The following GAB2 variants were observed in gnomAD, a reference collection of about 807,000 sequenced individuals.
The protein encoded by GAB2 is GRB2 associated binding protein 2, also known as GRB2-associated-binding protein 2.
GAB2 carries 26 observed loss-of-function variants against 65.5 expected under a neutral mutation model. That is an observed-to-expected ratio of 0.40 (90% CI 0.29 to 0.55). The LOEUF (loss-of-function observed/expected upper bound fraction) is 0.55, where lower values mean the gene tolerates loss of function less well. GAB2 is among the 20% of genes least tolerant of loss of function. The pLI, the probability that GAB2 is intolerant of heterozygous loss-of-function variation, is 0.53. For missense variants in GAB2, 884 were observed against 875.8 expected (o/e 1.01, Z -0.12); for synonymous variants, 321 against 329.6 (o/e 0.97, Z 0.28).
chr11:78,226,971 T>C lies in GAB2; in HGVS notation c.701A>G (p.Asn234Ser), dbSNP rs755129738. The change falls in exon 4 of 10, where the codon AAT becomes AGT. Residue 234 changes from asparagine (N) to serine (S), a missense_variant. Asn to Ser is a conservative substitution (Grantham distance 46). Transcript: ENST00000361507. ...DTAVQKLAQG[N>S]GHCVNGISGQ... The stretch of plus-strand genomic sequence containing the variant: ...ACTGATCCCGTTGACACAGTGTCCA[T>C]TGCCCTGGGCAAGTTTTTGTACAGC... 23 of 1,613,686 alleles carry C rather than the reference T, an allele frequency of 1.4e-5. No homozygotes were observed. The highest frequency in any genetic ancestry group is 8.8e-5 in the South Asian group (8 of 91,078).
At chr11:78,225,023 T>C in intron 5 of GAB2, 85 bp downstream of exon 5, 2 of 813,170 alleles carry the variant, frequency 2.5e-6, no homozygotes, top group Non-Finnish European at 4.2e-6. Flanking sequence ...CATCAATCTT[T>C]TGGGGTTGTG....
At position 78,250,229 on chromosome 11, in the gene GAB2, G is replaced by T. The variant is rs773687321; in HGVS notation, c.548C>A (p.Thr183Asn). 3.1e-6 allele frequency: 5 copies of T among 1,613,500 alleles called. No individual in the cohort carries two copies. In the East Asian group the frequency reaches 8.9e-5, roughly 29 times the overall value. The change falls in exon 3 of 10, where the codon ACC becomes AAC. Residue 183 changes from threonine (T) to asparagine (N), a missense_variant. Thr to Asn is a moderately conservative substitution (Grantham distance 65). Coordinates refer to ENST00000361507, the MANE Select transcript of GAB2 (RefSeq NM_080491.3). ...CTCCTGAGGTGCGCTGGTGGACAAGGTGGGCTGCATGTGGTTTGACACAGG... is the reference window on the plus strand; with the variant it reads ...CTCCTGAGGTGCGCTGGTGGACAAGTTGGGCTGCATGTGGTTTGACACAGG... ...EPPVSNHMQP[T>N]LSTSAPQEYL... is the part of the protein sequence containing the mutation.
Position 78,301,391 on chromosome 11 carries a change from G to A in GAB2, c.76-20490C>T, listed in dbSNP as rs145005615. Among the ~76,000 whole-genome samples, 598 of 149,416 alleles carry A rather than the reference G, an allele frequency of 4.0e-3. 8 individuals are homozygous for A. The highest frequency in any genetic ancestry group is 0.021 in the Middle Eastern group (6 of 290). On this transcript the variant is annotated intron_variant, in intron 1 of 9. Coordinates refer to ENST00000361507, the MANE Select transcript of GAB2 (RefSeq NM_080491.3). ...GTCACCCAGGCTGGAGTGCAATGGC[G>A]TGATCTGGGCTCACTGCAACCTCTG...
intron 1 of GAB2, among the ~76,000 whole-genome samples, chr11:78,299,918 CTTT>C (rs931867857): frequency 2.0e-5 from 3 of 151,410 alleles, no homozygotes; most frequent in Non-Finnish European, 2.9e-5. Flanking sequence ...TGGGCTGATC[CTTT>C]TTTTTTCTTT....
At chr11:78,344,840 G>GT (rs146940467) in intron 1 of GAB2, among the ~76,000 whole-genome samples, 2,463 of 151,848 alleles carry the variant, frequency 0.016, 59 homozygotes, top group African/African-American at 0.054. Flanking sequence ...ACAATATCCT[G>GT]TTTTTTTTGA....
intron 2 of GAB2, among the ~76,000 whole-genome samples, chr11:78,257,568 G>A (rs1286664764): frequency 6.6e-6 from 1 of 152,184 alleles, no homozygotes; most frequent in Non-Finnish European, 1.5e-5. Context: ...CCTATTCCTG[G>A]AGTACACATG....
At chr11:78,338,260 CAG>C (rs1856035629) in intron 1 of GAB2, among the ~76,000 whole-genome samples, 1 of 152,252 alleles carries the variant, frequency 6.6e-6, no homozygotes, top group African/African-American at 2.4e-5. Context: ...TCTAGGCAAA[CAG>C]AATGTTTACT....
At position 78,303,573 on chromosome 11, in the gene GAB2, A is replaced by G. The variant is rs919834436; in HGVS notation, c.76-22672T>C. Among the ~76,000 whole-genome samples, 6 of 152,300 alleles carry G rather than the reference A, an allele frequency of 3.9e-5. No individual in the cohort carries two copies. In the East Asian group the frequency reaches 5.8e-4, roughly 15 times the overall value. Reference sequence around the variant, plus strand: ...CTGTCTCAATTACTGCAGTTTTATAATAAGTCTTGAAATCAGGTAGTGTAA... The same window carrying G: ...CTGTCTCAATTACTGCAGTTTTATAGTAAGTCTTGAAATCAGGTAGTGTAA... On this transcript the variant is annotated intron_variant, in intron 1 of 9. Transcript: ENST00000361507.
chr11:78,260,134 GAA>G (rs781478538), intron 2 of GAB2, among the ~76,000 whole-genome samples: 16 of 152,156 alleles, frequency 1.1e-4, no homozygotes, highest in Non-Finnish European at 2.2e-4. Context: ...GAAGAAAAAA[GAA>G]AAGACAGACA....
chr11:78,336,809 T>C (rs1856011018), intron 1 of GAB2, among the ~76,000 whole-genome samples: 1 of 152,124 alleles, frequency 6.6e-6, no homozygotes, highest in South Asian at 2.1e-4. Context: ...CCAAAGGGTA[T>C]GAGAAAAATG....
intron 1 of GAB2, among the ~76,000 whole-genome samples, chr11:78,314,695 C>T (rs757584187): frequency 5.9e-4 from 90 of 152,144 alleles, no homozygotes; most frequent in Non-Finnish European, 1.1e-3. Flanking sequence ...TGGACAGAGA[C>T]CAGGTCACAT....
chr11:78,375,776 A>T (rs1856624595), intron 1 of GAB2, among the ~76,000 whole-genome samples: 1 of 152,168 alleles, frequency 6.6e-6, no homozygotes, highest in South Asian at 2.1e-4. Context: ...TAAGTTACAG[A>T]GTGCTCTTCA....
intron 1 of GAB2, among the ~76,000 whole-genome samples, chr11:78,323,307 C>T (rs929593611): frequency 1.1e-4 from 16 of 152,082 alleles, no homozygotes; most frequent in Middle Eastern, 3.4e-3. Flanking sequence ...GTCAGGAGTT[C>T]GAGACCAGCC....
chr11:78,343,183 A>G (rs1856126388), intron 1 of GAB2, among the ~76,000 whole-genome samples: 1 of 152,144 alleles, frequency 6.6e-6, no homozygotes, highest in South Asian at 2.1e-4. Context: ...ATTTCTAGAA[A>G]ACCACCATGA....
At chr11:78,415,555 G>C (rs1266177458) in intron 1 of GAB2, among the ~76,000 whole-genome samples, 1 of 152,208 alleles carries the variant, frequency 6.6e-6, no homozygotes, top group African/African-American at 2.4e-5. Context: ...CTGAACTTCC[G>C]AAGGGGCAGA....
At chr11:78,220,257 C>T in intron 9 of GAB2, 62 bp downstream of exon 9, 13 of 1,594,998 alleles carry the variant, frequency 8.2e-6, no homozygotes, top group East Asian at 2.2e-5. Context: ...CCCTGGCCTC[C>T]ATGATCTCTG....
chr11:78,340,275 G>A (rs983026502), intron 1 of GAB2, among the ~76,000 whole-genome samples: 3 of 152,138 alleles, frequency 2.0e-5, no homozygotes, highest in Non-Finnish European at 2.9e-5. Flanking sequence ...GAATAAAGAG[G>A]AGTGAGTAGC....
chr11:78,413,356 A>G (rs144125859), intron 1 of GAB2, among the ~76,000 whole-genome samples: 1 of 152,248 alleles, frequency 6.6e-6, no homozygotes, highest in Non-Finnish European at 1.5e-5. Flanking sequence ...AAGGAAATAT[A>G]GAGTAGCCAG....
At chr11:78,243,861 A>G (rs1454576397) in intron 3 of GAB2, among the ~76,000 whole-genome samples, 1 of 152,138 alleles carries the variant, frequency 6.6e-6, no homozygotes, top group African/African-American at 2.4e-5. Flanking sequence ...GAAAAAAGAA[A>G]AAAGATGATT....
Sources: allele counts gnomAD v4.1 joint callset (sites outside exome capture counted in the v4.1 genomes callset), GRCh38; gene constraint gnomAD v4.1.1; transcripts MANE v1.5; gene names NCBI Gene and HGNC (gene_info 2026-07-23, HGNC 2026-07-21).